Variants in MBD5 observed in about 807,000 individuals in gnomAD.
MBD5 encodes the protein methyl-CpG-binding domain protein 5.
In MBD5, 13 loss-of-function variants were observed where a neutral mutation model predicts 117.3. The observed-to-expected ratio is 0.11, with a 90% CI of 0.07 to 0.18. The LOEUF is 0.18. Ranked by LOEUF, MBD5 falls within the 10% of genes least tolerant of loss-of-function variation. The pLI, the probability that MBD5 is intolerant of heterozygous loss-of-function variation, is 1.00. For missense variants in MBD5, 1,879 were observed against 2,093.8 expected (o/e 0.90, Z 2.00); for synonymous variants, 727 against 766.4 (o/e 0.95, Z 0.85).
At chr2:148,447,240 A>AGGAG (rs1258195244) in intron 4 of MBD5, among the ~76,000 whole-genome samples, 1 of 115,838 alleles carries the variant, frequency 8.6e-6, no homozygotes, top group African/African-American at 2.8e-5. Context: ...AGAAAGGGAA[A>AGGAG]GGAGGGAGGG....
chr2:148,028,803 A>G (rs1337498513), intron 1 of MBD5, among the ~76,000 whole-genome samples: 11 of 152,134 alleles, frequency 7.2e-5, no homozygotes, highest in Admixed American at 4.6e-4. Context: ...ACATAAAAAT[A>G]TTTAGGAAAT....
chr2:148,039,158 G>A (rs1254052445), intron 1 of MBD5, among the ~76,000 whole-genome samples: 1 of 151,934 alleles, frequency 6.6e-6, no homozygotes, highest in Non-Finnish European at 1.5e-5. Context: ...ATATAATATG[G>A]TGATGTGAGC....
intron 4 of MBD5, among the ~76,000 whole-genome samples, chr2:148,382,039 A>T (rs988744561): frequency 3.3e-5 from 5 of 152,216 alleles, no homozygotes; most frequent in African/African-American, 9.6e-5. Context: ...GCTACGAAGA[A>T]ACTGCATCAA....
chr2:148,374,411 A>G (rs1703939345), intron 4 of MBD5, among the ~76,000 whole-genome samples: 2 of 152,196 alleles, frequency 1.3e-5, no homozygotes, highest in Admixed American at 6.5e-5. Context: ...GAGCAACATT[A>G]AACAATATGC....
rs1704076747 is a variant in MBD5 at position 148,379,534 on chromosome 2, A to C, written c.-557+37198A>C. 4.6e-5 allele frequency among the ~76,000 whole-genome samples: 7 copies of C among 152,152 alleles called. No individual in the cohort carries two copies. In the South Asian group the frequency reaches 1.4e-3, roughly 31 times the overall value. ...AAAAATTCAGTAAAATGACAGGAAA[A>C]GGAAAAATAATTTCAAAAGGAGAAT... On this transcript the variant is annotated intron_variant, in intron 4 of 13. Transcript: ENST00000642680.
chr2:148,194,919 A>C (rs1698935710), intron 2 of MBD5, among the ~76,000 whole-genome samples: 3 of 152,154 alleles, frequency 2.0e-5, no homozygotes, highest in Non-Finnish European at 4.4e-5. Flanking sequence ...TGTTTTCATC[A>C]GACTGATAAA....
intron 4 of MBD5, among the ~76,000 whole-genome samples, chr2:148,447,236 G>GA (rs1559075780): frequency 7.5e-6 from 1 of 134,026 alleles, no homozygotes; most frequent in African/African-American, 3.3e-5. Flanking sequence ...AGAAAGAAAG[G>GA]GAAAGGAGGG....
chr2:148,041,204 A>C (rs1558898873), intron 1 of MBD5: 1 of 152,230 alleles, frequency 6.6e-6, no homozygotes. Flanking sequence ...TTGCTCTTGA[A>C]GGATCGTTAA....
intron 3 of MBD5, among the ~76,000 whole-genome samples, chr2:148,328,681 T>C (rs1294981276): frequency 6.6e-6 from 1 of 152,246 alleles, no homozygotes; most frequent in Non-Finnish European, 1.5e-5. Flanking sequence ...AGTGAGGCAA[T>C]GCCTCACCCT....
intron 4 of MBD5, among the ~76,000 whole-genome samples, chr2:148,443,254 A>G (rs942704262): frequency 6.6e-6 from 1 of 151,022 alleles, no homozygotes; most frequent in African/African-American, 2.5e-5. Flanking sequence ...AATGCTGGTG[A>G]TGATATGGAG....
At chr2:148,223,360 G>T (rs1328992789) in intron 2 of MBD5, among the ~76,000 whole-genome samples, 1 of 152,000 alleles carries the variant, frequency 6.6e-6, no homozygotes, top group African/African-American at 2.4e-5. Context: ...TAAATATTTG[G>T]TAGAATTCAG....
At chr2:148,060,170 A>T (rs1212278255) in intron 1 of MBD5, among the ~76,000 whole-genome samples, 20 of 130,688 alleles carry the variant, frequency 1.5e-4, no homozygotes, top group African/African-American at 4.8e-4. Flanking sequence ...AAAGCCAGGC[A>T]TGGTGGTGCA....
Position 148,031,921 on chromosome 2 carries a change from A to T in MBD5, c.-925+10237A>T, listed in dbSNP as rs184398992. Among the ~76,000 whole-genome samples, 14 of 152,262 alleles carry T rather than the reference A, an allele frequency of 9.2e-5. No individual in the cohort carries two copies. In the East Asian group the frequency reaches 2.7e-3, roughly 29 times the overall value. On this transcript the variant is annotated intron_variant, in intron 1 of 13. Coordinates refer to ENST00000642680, the MANE Select transcript of MBD5 (RefSeq NM_001378120.1). ...AAATGCTGAAAGTAACAAAGGATGC[A>T]GCTTATGTTTTCTCCATTTTCTTTA...
chr2:148,196,143 A>G (rs1698982158), intron 2 of MBD5: 1 of 152,034 alleles, frequency 6.6e-6, no homozygotes, highest in Non-Finnish European at 1.5e-5. Context: ...GTTGAAACTC[A>G]TGTTTCTTAA....
chr2:148,045,340 T>G (rs1694487876), intron 1 of MBD5, among the ~76,000 whole-genome samples: 1 of 152,210 alleles, frequency 6.6e-6, no homozygotes, highest in Admixed American at 6.5e-5. Context: ...CAGTACTTAC[T>G]AACCATTATG....
intron 4 of MBD5, among the ~76,000 whole-genome samples, chr2:148,356,439 C>A (rs1703382239): frequency 6.6e-6 from 1 of 152,100 alleles, no homozygotes; most frequent in Non-Finnish European, 1.5e-5. Context: ...CTCTCCCCCA[C>A]TGGACTGTAA....
chr2:148,216,407 G>A (rs1032492599), intron 2 of MBD5, among the ~76,000 whole-genome samples: 19 of 152,232 alleles, frequency 1.2e-4, no homozygotes, highest in Admixed American at 5.2e-4. Flanking sequence ...CCAGAAAGCA[G>A]TGCATTTATT....
intron 1 of MBD5, chr2:148,044,782 T>G (rs936264619): frequency 6.6e-6 from 1 of 152,122 alleles, no homozygotes. Flanking sequence ...TCTGAGAAAC[T>G]ACATGAAAAT....
intron 1 of MBD5, among the ~76,000 whole-genome samples, chr2:148,151,165 T>A (rs1057347886): frequency 3.3e-5 from 5 of 151,592 alleles, no homozygotes; most frequent in African/African-American, 1.2e-4. Flanking sequence ...TTGTTGAATT[T>A]TGTCAAAGGC....
Sources: allele counts gnomAD v4.1 joint callset (sites outside exome capture counted in the v4.1 genomes callset), GRCh38; gene constraint gnomAD v4.1.1; transcripts MANE v1.5; gene names NCBI Gene and HGNC (gene_info 2026-07-23, HGNC 2026-07-21).